Variants in ADAM28 observed in about 807,000 individuals in gnomAD.
ADAM28 encodes the protein ADAM metallopeptidase domain 28.
ADAM28 carries 105 observed loss-of-function variants against 101.2 expected under a neutral mutation model. The ratio of observed to expected loss-of-function variants is 1.04; its 90% confidence interval spans 0.89 to 1.22. The LOEUF is 1.22. ADAM28 is among the 50% of genes most tolerant of loss of function. The pLI, the probability that ADAM28 is intolerant of heterozygous loss-of-function variation, is 0.00. For synonymous variants in ADAM28, 322 were observed against 310.6 expected, an observed-to-expected ratio of 1.04 and a Z score of -0.39; for missense variants, 1,028 against 945.4, an observed-to-expected ratio of 1.09 and a Z score of -1.15.
chr8:24,356,561 A>G lies in ADAM28; in HGVS notation c.*2157A>G, dbSNP rs544880185. 1 of 152,306 alleles carries G rather than the reference A, an allele frequency of 6.6e-6. No individual in the cohort carries two copies. The highest frequency in any genetic ancestry group is 2.1e-4 in the South Asian group (1 of 4,824). 9.4% of individuals were successfully genotyped at this position (152,306 alleles called of 1,614,324 possible). On this transcript the variant is annotated 3_prime_UTR_variant, in exon 23 of 23. Coordinates refer to ENST00000265769, the MANE Select transcript of ADAM28 (RefSeq NM_014265.6). Reference sequence around the variant, plus strand: ...CCATTATTTTATCATAGAACTGCGAACCCAAGTCCTACAATGTTTCCCTTT... The same window carrying G: ...CCATTATTTTATCATAGAACTGCGAGCCCAAGTCCTACAATGTTTCCCTTT...
chr8:24,317,880 A>C (rs1227238337), intron 6 of ADAM28, among the ~76,000 whole-genome samples: 2 of 152,042 alleles, frequency 1.3e-5, no homozygotes, highest in African/African-American at 4.8e-5. Flanking sequence ...GGGGTTAAGC[A>C]GTTGAAAGAT....
intron 13 of ADAM28, 89 bp from the exon 14 acceptor site, chr8:24,335,357 T>C: frequency 6.9e-7 from 1 of 1,451,012 alleles, no homozygotes; most frequent in Non-Finnish European, 9.1e-7. Context: ...GCCCAAAAAG[T>C]CCAAATGGAA....
intron 9 of ADAM28, among the ~76,000 whole-genome samples, chr8:24,324,653 G>T (rs138613878): frequency 1.5e-3 from 234 of 152,080 alleles, no homozygotes; most frequent in African/African-American, 5.3e-3. Flanking sequence ...CTGGTCATCT[G>T]TTAACTGCAT....
intron 18 of ADAM28, among the ~76,000 whole-genome samples, chr8:24,346,775 GATCTCC>G (rs1205474367): frequency 6.6e-6 from 1 of 152,006 alleles, no homozygotes; most frequent in Non-Finnish European, 1.5e-5. Context: ...TTTTCAGTCT[GATCTCC>G]CCTCTTTCTC....
At chr8:24,300,207 T>C in intron 2 of ADAM28, 130 bp downstream of exon 2, 1 of 574,822 alleles carries the variant, frequency 1.7e-6, no homozygotes, top group Admixed American at 3.8e-5. Context: ...TGTGTGTATG[T>C]GTGTGCCTGT....
At chr8:24,302,791 T>C (rs62502716) in intron 2 of ADAM28, among the ~76,000 whole-genome samples, 14,970 of 152,216 alleles carry the variant, frequency 0.098, 952 homozygotes, top group East Asian at 0.25. Flanking sequence ...AAATTATACC[T>C]TAAGTTCTAG....
chr8:24,313,897 A>AT (rs1438470355), intron 6 of ADAM28, among the ~76,000 whole-genome samples: 1 of 151,776 alleles, frequency 6.6e-6, no homozygotes, highest in Admixed American at 6.6e-5. Flanking sequence ...AGCTGGGATT[A>AT]TAGGCATGTG....
chr8:24,331,135 T>C lies in ADAM28; in HGVS notation c.1104-15T>C. The C allele has an allele frequency of 6.3e-7, 1 of 1,597,222 alleles. No individual in the cohort carries two copies. Among genetic ancestry groups the C allele is most frequent in the South Asian group, 1.1e-5 (1 of 87,328 alleles). ...GCATGACTATATTCCAGTTTTTCTTTCCTTATCTTCACAGCTTCTATATAC... is the reference window on the plus strand; with the variant it reads ...GCATGACTATATTCCAGTTTTTCTTCCCTTATCTTCACAGCTTCTATATAC... On this transcript the variant is annotated splice_polypyrimidine_tract_variant and intron_variant, in intron 11 of 22. Coordinates refer to ENST00000265769, the MANE Select transcript of ADAM28 (RefSeq NM_014265.6).
rs1430953564 is a variant in ADAM28, at chr8:24,335,450, A to G, written c.1376A>G (p.Lys459Arg). 29 of 1,605,526 alleles carry G rather than the reference A, an allele frequency of 1.8e-5. No homozygotes were observed. Among genetic ancestry groups the G allele is most frequent in the Non-Finnish European group, 2.5e-5 (29 of 1,176,106 alleles). Residue 459 changes from lysine to arginine, a missense_variant, in exon 14 of 23, where the codon AAA becomes AGA. Physicochemically the swap from Lys to Arg is conservative, Grantham distance 26 (BLOSUM62 2). Transcript: ENST00000265769. ...LGECCEKCQF[K>R]KAGMVCRPAK... ...TCTATTTTTGTTTTTCTACAGTTTAAAAAGGCTGGGATGGTGTGCAGACCA... is the reference window on the plus strand; with the variant it reads ...TCTATTTTTGTTTTTCTACAGTTTAGAAAGGCTGGGATGGTGTGCAGACCA...
At chr8:24,323,679 C>A (rs907919663) in intron 8 of ADAM28, among the ~76,000 whole-genome samples, 155 bp from the exon 9 acceptor site, 2 of 151,794 alleles carry the variant, frequency 1.3e-5, no homozygotes, top group African/African-American at 2.4e-5. Context: ...TTAGTGTCTA[C>A]AAAATAGTCA....
In ADAM28 at chr8:24,354,375, C is replaced by CTGTA. The variant is rs1219294478; in HGVS notation, c.2308-8_2308-7insGTAT. The CTGTA allele has an allele frequency of 1.3e-6, 2 of 1,599,470 alleles. No individual in the cohort carries two copies. Among genetic ancestry groups the CTGTA allele is most frequent in the Non-Finnish European group, 1.7e-6 (2 of 1,171,900 alleles). On this transcript the variant is annotated splice_polypyrimidine_tract_variant and intron_variant, in intron 22 of 22. Coordinates refer to ENST00000265769, the MANE Select transcript of ADAM28 (RefSeq NM_014265.6). Reference sequence around the variant, plus strand: ...AAAGTTGATCATTTAGAAGTTATGTCTTTTTTAGGACTCAAATCCAAAAGC... The same window carrying CTGTA: ...AAAGTTGATCATTTAGAAGTTATGTCTGTATTTTTTAGGACTCAAATCCAAAAGC...
Position 24,313,543 on chromosome 8 carries a change from TGCA to T in ADAM28, c.544_546del (p.Gln182del), listed in dbSNP as rs893482881. ...GATGGTGTGTTGTGGGCCCACGATTTGCAGCAGAACATTGCCCTACCTGCCACC... is the reference window on the plus strand; with the variant it reads ...GATGGTGTGTTGTGGGCCCACGATTTGCAGAACATTGCCCTACCTGCCACC... On this transcript the variant is annotated inframe_deletion, in exon 6 of 23. Transcript: ENST00000265769. 2 of 1,613,650 alleles carry T rather than the reference TGCA, an allele frequency of 1.2e-6. No homozygotes were observed. The highest frequency in any genetic ancestry group is 2.7e-5 in the African/African-American group (2 of 74,888).
rs1377887344 is a variant in ADAM28, at chr8:24,299,873, G to A, written c.47-101G>A. On this transcript the variant is annotated intron_variant, in intron 1 of 22. Transcript: ENST00000265769. ...CTGACATTCATCACTTCAGGCTTCT[G>A]TGTGTGGCATCGTTCATTGGGAATG... 3 of 798,320 alleles carry A rather than the reference G, an allele frequency of 3.8e-6. No individual in the cohort carries two copies. The African/African-American group carries it at 5.2e-5, about 14-fold the overall frequency. The allele number at this position is 798,320 out of a possible 1,614,324, so 49.5% of individuals were successfully genotyped here. A position where few individuals can be genotyped will look rare whatever the true frequency, so the allele number is the denominator to read the frequency against.
intron 2 of ADAM28, among the ~76,000 whole-genome samples, chr8:24,307,393 C>T (rs913584741): frequency 3.9e-5 from 6 of 152,126 alleles, no homozygotes; most frequent in East Asian, 1.9e-4. Context: ...AGGGTTGTGA[C>T]GTCATCTTTC....
At position 24,354,485 on chromosome 8, in the gene ADAM28, CT is replaced by C. The variant is rs1186166937; in HGVS notation, c.*82del. 9.3e-6 allele frequency: 12 copies of C among 1,295,204 alleles called. No homozygotes were observed. The East Asian group carries it at 1.1e-4, about 12-fold the overall frequency. The allele number at this position is 1,295,204 out of a possible 1,614,324, so 80.2% of individuals were successfully genotyped here. A position where few individuals can be genotyped will look rare whatever the true frequency, so the allele number is the denominator to read the frequency against. On this transcript the variant is annotated 3_prime_UTR_variant, in exon 23 of 23. Coordinates refer to ENST00000265769, the MANE Select transcript of ADAM28 (RefSeq NM_014265.6). ...TCTGGATGGCAGAGAAATATACTATCTATCTCACCAGTATTTGCTCTCGACT... is the reference window on the plus strand; with the variant it reads ...TCTGGATGGCAGAGAAATATACTATCATCTCACCAGTATTTGCTCTCGACT...
chr8:24,326,812 A>G (rs566371177), intron 10 of ADAM28, among the ~76,000 whole-genome samples, 177 bp downstream of exon 10: 1 of 152,248 alleles, frequency 6.6e-6, no homozygotes, highest in African/African-American at 2.4e-5. Flanking sequence ...CAACATATTG[A>G]TAATGCATTA....
chr8:24,298,204 G>A (rs934077486), intron 1 of ADAM28, among the ~76,000 whole-genome samples: 1 of 151,956 alleles, frequency 6.6e-6, no homozygotes, highest in African/African-American at 2.4e-5. Context: ...AAAAAATAAG[G>A]TATTCTAATG....
chr8:24,320,136 A>G (rs1023645442), intron 6 of ADAM28, 100 bp from the exon 7 acceptor site: 4 of 827,704 alleles, frequency 4.8e-6, no homozygotes, highest in Admixed American at 4.4e-5. Context: ...CCTTTACTCC[A>G]GATATCAACC....
chr8:24,302,077 C>G (rs1175822658), intron 2 of ADAM28, among the ~76,000 whole-genome samples: 1 of 152,102 alleles, frequency 6.6e-6, no homozygotes, highest in African/African-American at 2.4e-5. Context: ...AGCTATTTTT[C>G]CTGATGTTCT....
Sources: gnomAD v4.1 joint callset for allele counts (sites outside exome capture counted in the v4.1 genomes callset) on GRCh38, gnomAD v4.1.1 for gene constraint, MANE v1.5 for transcripts, NCBI Gene and HGNC (gene_info 2026-07-23, HGNC 2026-07-21) for gene names.